Variants in MTERF4 observed in about 807,000 individuals in gnomAD.
MTERF4 encodes the protein mitochondrial transcription termination factor 4.
A neutral mutation model predicts 22.5 loss-of-function variants in MTERF4; 17 were observed. The ratio of observed to expected loss-of-function variants is 0.75; its 90% confidence interval spans 0.52 to 1.13. The LOEUF is 1.13. Ranked by LOEUF, MTERF4 falls within the 50% of genes most tolerant of loss-of-function variation. The probability of loss-of-function intolerance (pLI) is 0.00; values close to 1 mark genes in which losing one functional copy is unlikely to be tolerated. For synonymous variants in MTERF4, 165 were observed against 175.3 expected (o/e 0.94, Z 0.47); for missense variants, 420 against 466.8 (o/e 0.90, Z 0.92).
chr2:241,063,835 G>C, the MTERF4 span: 16 of 793,972 alleles, frequency 2.0e-5, no homozygotes, highest in Non-Finnish European at 3.2e-5. Context: ...CGGCCACCTT[G>C]GGAGGGAGGG....
chr2:241,049,842 C>T, the MTERF4 span: 6 of 1,613,706 alleles, frequency 3.7e-6, no homozygotes, highest in African/African-American at 5.3e-5. Context: ...GCGACTCGGA[C>T]CCCTGCTTCA....
Position 241,081,781 on chromosome 2 carries a change from C to T in MTERF4, n.480-6099G>A, listed in dbSNP as rs749096541. The T allele has an allele frequency of 4.2e-5, 67 of 1,589,908 alleles. No individual in the cohort carries two copies. Among genetic ancestry groups the T allele is most frequent in the Non-Finnish European group, 5.2e-5 (61 of 1,167,966 alleles). ...CTGCGGGCCAGGGTTCAAAGGCAGA[C>T]GCTGCGAGCTCGGTAAGTCGGGGCT... On this transcript the variant is annotated intron_variant and non_coding_transcript_variant, in intron 4 of 4. Coordinates refer to the MTERF4 transcript ENST00000464344.
chr2:241,051,833 C>T, the MTERF4 span: 3 of 1,561,236 alleles, frequency 1.9e-6, no homozygotes, highest in Non-Finnish European at 2.6e-6. This position sits in a 1 kb window ranked among gnomAD's most constrained non-coding sequence, Gnocchi z 4.7. Flanking sequence ...CTGCCCCTAC[C>T]GCTTCACTGG....
chr2:241,066,952 C>G, the MTERF4 span, among the ~76,000 whole-genome samples: 1 of 152,202 alleles, frequency 6.6e-6, no homozygotes, highest in African/African-American at 2.4e-5. Flanking sequence ...CACACCTCGG[C>G]CAGTGGAGAG....
chr2:241,068,920 G>A (rs900464693), downstream of MTERF4: 1 of 1,551,330 alleles, frequency 6.4e-7, no homozygotes, highest in African/African-American at 1.4e-5. This position sits in a 1 kb window ranked among gnomAD's most constrained non-coding sequence, Gnocchi z 5.3. Context: ...GGGCCCTGCT[G>A]CCTGGGAAGA....
the MTERF4 span, among the ~76,000 whole-genome samples, chr2:241,066,998 C>T: frequency 6.6e-6 from 1 of 152,206 alleles, no homozygotes; most frequent in Non-Finnish European, 1.5e-5. Context: ...GAGCAGGTGT[C>T]AGCAGGAGCT....
chr2:241,086,128 A>G (rs2063562530), downstream of MTERF4, among the ~76,000 whole-genome samples: 1 of 152,058 alleles, frequency 6.6e-6, no homozygotes, highest in Non-Finnish European at 1.5e-5. Flanking sequence ...TGGCCTCCCA[A>G]AGTGCTGGTA....
At chr2:241,087,259 C>T (rs1302414651), downstream of MTERF4, 26 of 686,772 alleles carry the variant, frequency 3.8e-5, no homozygotes, top group Non-Finnish European at 5.2e-5. Flanking sequence ...TAGGAGGTCA[C>T]GTTTCATTCA....
At chr2:241,067,192 G>A (rs1159963886), downstream of MTERF4, among the ~76,000 whole-genome samples, 1 of 152,224 alleles carries the variant, frequency 6.6e-6, no homozygotes, top group Non-Finnish European at 1.5e-5. Context: ...CACAGACCGG[G>A]GTGCTGAGTT....
At chr2:241,052,355 C>G in the MTERF4 span, 2 of 1,570,142 alleles carry the variant, frequency 1.3e-6, no homozygotes, top group South Asian at 2.4e-5. Context: ...ATTCTGGCAG[C>G]CCCCTCCCCC....
chr2:241,063,450 A>G, the MTERF4 span: 1 of 690,450 alleles, frequency 1.4e-6, no homozygotes, highest in Non-Finnish European at 2.7e-6. Flanking sequence ...TGATGGAAGA[A>G]AAAGCACATG....
chr2:241,049,206 G>A, the MTERF4 span: 2 of 1,163,718 alleles, frequency 1.7e-6, no homozygotes, highest in South Asian at 2.6e-5. Flanking sequence ...CGGTGGATGA[G>A]GCAGGCAGAG....
At chr2:241,088,708 G>A (rs765404726), downstream of MTERF4, 32 of 397,116 alleles carry the variant, frequency 8.1e-5, no homozygotes, top group Non-Finnish European at 1.2e-4. Flanking sequence ...TAGATCAGCT[G>A]CAGTGGGAGG....
In MTERF4 at chr2:241,073,474, GCCTA is replaced by G; in HGVS notation, n.2684_2687del. ...ACGGTGAGGAATCAGGAGGCACAGA[GCCTA>G]CCTGAGGGGAGGCTGAGCACCAGGC... On this transcript the variant is annotated non_coding_transcript_exon_variant, in exon 5 of 5. Coordinates refer to the MTERF4 transcript ENST00000464344. The surrounding 1 kb of genome is among the most constrained non-coding windows in gnomAD (Gnocchi z 6.6). 5.6e-6 allele frequency: 5 copies of G among 898,928 alleles called. No individual in the cohort carries two copies. Among genetic ancestry groups the G allele is most frequent in the Middle Eastern group, 4.3e-4 (2 of 4,668 alleles). The allele number at this position is 898,928 out of a possible 1,614,324, so 55.7% of individuals were successfully genotyped here.
intron 1 of MTERF4, among the ~76,000 whole-genome samples, chr2:241,101,497 C>G (rs951904452): frequency 2.0e-5 from 3 of 152,240 alleles, no homozygotes; most frequent in African/African-American, 7.2e-5. Flanking sequence ...AACCCCTGCT[C>G]TAAAACCTTC....
At chr2:241,047,861 G>A in the MTERF4 span, among the ~76,000 whole-genome samples, 1 of 151,872 alleles carries the variant, frequency 6.6e-6, no homozygotes, top group African/African-American at 2.4e-5. Flanking sequence ...ATCCCGGGTG[G>A]CTTCTCTGGT....
At chr2:241,055,322 A>G in the MTERF4 span, among the ~76,000 whole-genome samples, 2 of 152,220 alleles carry the variant, frequency 1.3e-5, no homozygotes, top group African/African-American at 2.4e-5. Context: ...CACCAGACAC[A>G]TTATAGTAAA....
downstream of MTERF4, among the ~76,000 whole-genome samples, chr2:241,089,572 G>A (rs114533486): frequency 5.9e-3 from 900 of 152,302 alleles, 8 homozygotes; most frequent in African/African-American, 0.02. Context: ...CTTCGGATGT[G>A]GAAAGTCTCT....
chr2:241,048,103 T>G, the MTERF4 span, among the ~76,000 whole-genome samples: 2 of 152,256 alleles, frequency 1.3e-5, no homozygotes, highest in Admixed American at 6.5e-5. Flanking sequence ...CTCTGGTGCT[T>G]CTTGTTCTGT....
Sources: gnomAD v4.1 joint callset for allele counts (sites outside exome capture counted in the v4.1 genomes callset) on GRCh38, gnomAD v4.1.1 for gene constraint, Gnocchi (gnomAD v3.1) non-coding constraint, MANE v1.5 for transcripts, NCBI Gene and HGNC (gene_info 2026-07-23, HGNC 2026-07-21) for gene names.